VASH2: variants seen among roughly 807,000 people sequenced by gnomAD.
VASH2 encodes vasohibin 2, also known as tubulinyl-Tyr carboxypeptidase 2.
Under a neutral mutation model 37.2 loss-of-function variants are expected in VASH2, and 28 were observed. The observed-to-expected ratio is 0.75, with a 90% CI of 0.56 to 1.03. The LOEUF (loss-of-function observed/expected upper bound fraction) is 1.03. Ranked by LOEUF, VASH2 falls within the 50% of genes least tolerant of loss-of-function variation. VASH2 has a pLI of 0.00. For synonymous variants in VASH2, 188 were observed against 174.7 expected, an observed-to-expected ratio of 1.08 and a Z score of -0.60; for missense variants, 419 against 459.1, an observed-to-expected ratio of 0.91 and a Z score of 0.80.
At chr1:212,965,630 C>T (rs2102634315) in intron 3 of VASH2, 92 bp from the exon 4 acceptor site, 2 of 1,224,654 alleles carry the variant, frequency 1.6e-6, no homozygotes, top group Non-Finnish European at 2.3e-6. Flanking sequence ...ACATCCTCAT[C>T]TCATTGAGAA....
At chr1:212,972,553 T>C (rs1382474576) in intron 5 of VASH2, 27 bp from the exon 6 acceptor site, 11 of 1,595,446 alleles carry the variant, frequency 6.9e-6, no homozygotes, top group Non-Finnish European at 9.4e-6. Context: ...AGGCCTCCTT[T>C]CTCTTCCTTG....
chr1:212,983,933 CTT>C (rs1667405258), intron 7 of VASH2, among the ~76,000 whole-genome samples: 2 of 152,192 alleles, frequency 1.3e-5, no homozygotes, highest in Non-Finnish European at 2.9e-5. Context: ...AACTGCATGA[CTT>C]TGCTTTGAGC....
chr1:212,965,049 T>TA (rs1409264547), intron 3 of VASH2, among the ~76,000 whole-genome samples: 1 of 152,058 alleles, frequency 6.6e-6, no homozygotes, highest in Non-Finnish European at 1.5e-5. Flanking sequence ...GCCTCCTGAG[T>TA]AGCTGGGATT....
Position 212,951,950 on chromosome 1 carries a change from C to T in VASH2, c.276+132C>T. The T allele has an allele frequency of 5.4e-6, 6 of 1,101,372 alleles. No individual in the cohort carries two copies. The highest frequency in any genetic ancestry group is 5.4e-5 in the Admixed American group (2 of 37,178). The allele number at this position is 1,101,372 out of a possible 1,614,324, so 68.2% of individuals were successfully genotyped here. ...CTGCTACAAACTCCCTTCCTCTCCC[C>T]ATTCCTTCCTGCCAGCCCTTTTCTA... On this transcript the variant is annotated intron_variant, in intron 2 of 7. Coordinates refer to ENST00000517399, the MANE Select transcript of VASH2 (RefSeq NM_001301056.2). This position sits in a 1 kb window ranked among gnomAD's most constrained non-coding sequence, Gnocchi z 4.4.
intron 7 of VASH2, among the ~76,000 whole-genome samples, chr1:212,982,893 A>G (rs1179434650): frequency 6.6e-6 from 1 of 152,240 alleles, no homozygotes; most frequent in Non-Finnish European, 1.5e-5. Context: ...TGATGCATTC[A>G]GCTTAATGAG....
intron 3 of VASH2, among the ~76,000 whole-genome samples, chr1:212,962,629 T>A (rs1347307556): frequency 1.3e-5 from 2 of 152,230 alleles, no homozygotes; most frequent in South Asian, 4.1e-4. Flanking sequence ...AAAACACCAA[T>A]TTCTGCTCAT....
intron 7 of VASH2, among the ~76,000 whole-genome samples, chr1:212,985,223 T>A (rs1222525240): frequency 2.1e-4 from 24 of 115,854 alleles, no homozygotes; most frequent in Non-Finnish European, 4.0e-4. Flanking sequence ...TTTTTTTTTG[T>A]AGAGATGGGG....
At position 212,989,703 on chromosome 1, in the gene VASH2, GA is replaced by G. The variant is rs1458299279; in HGVS notation, c.*1123del. On this transcript the variant is annotated 3_prime_UTR_variant, in exon 8 of 8. Transcript: ENST00000517399. ...CATGACATTTTAGGAATGAGTATTG[GA>G]AAATATAAAGAATTAGAAAAGCAGC... 6.6e-6 allele frequency: 1 copy of G among 152,082 alleles called. No homozygotes were observed. Among genetic ancestry groups the G allele is most frequent in the Non-Finnish European group, 1.5e-5 (1 of 68,014 alleles). The allele number at this position is 152,082 out of a possible 1,614,324, so 9.4% of individuals were successfully genotyped here.
At chr1:212,965,831 G>T (rs887475537) in intron 4 of VASH2, 53 bp downstream of exon 4, 26 of 1,492,174 alleles carry the variant, frequency 1.7e-5, no homozygotes, top group Non-Finnish European at 2.3e-5. Flanking sequence ...CATTCGAGCT[G>T]CCAGCTTCCT....
In VASH2 at chr1:212,950,973, GC is replaced by G. The variant is rs1228553492; in HGVS notation, c.-205+234del. 6.6e-6 allele frequency among the ~76,000 whole-genome samples: 1 copy of G among 152,218 alleles called. No homozygotes were observed. Among genetic ancestry groups the G allele is most frequent in the African/African-American group, 2.4e-5 (1 of 41,464 alleles). The stretch of plus-strand genomic sequence containing the variant: ...GCGCTCACATGCCAGCACGTTCGTG[GC>G]TCCCCTCCTCTCTTGGCCACATCTG... On this transcript the variant is annotated intron_variant, in intron 1 of 7. Coordinates refer to ENST00000517399, the MANE Select transcript of VASH2 (RefSeq NM_001301056.2). This position sits in a 1 kb window ranked among gnomAD's most constrained non-coding sequence, Gnocchi z 5.5.
intron 2 of VASH2, among the ~76,000 whole-genome samples, chr1:212,957,198 A>G (rs575812793): frequency 1.3e-5 from 2 of 152,382 alleles, no homozygotes; most frequent in Admixed American, 6.5e-5. Context: ...GCATGTGTCA[A>G]AACGTCTTTC....
intron 5 of VASH2, chr1:212,967,132 G>C (rs201256499): frequency 3.5e-4 from 455 of 1,304,414 alleles, no homozygotes; most frequent in Non-Finnish European, 4.4e-4. Flanking sequence ...GCTAAAACAA[G>C]GGTCTAGCTT....
intron 3 of VASH2, 195 bp downstream of exon 3, chr1:212,961,449 C>T: frequency 8.0e-7 from 1 of 1,250,640 alleles, no homozygotes; most frequent in Non-Finnish European, 1.1e-6. Context: ...CCCAGTAGGG[C>T]AGGCTGGTTC....
chr1:212,986,192 T>C (rs78615233), intron 7 of VASH2, among the ~76,000 whole-genome samples: 5,652 of 152,346 alleles, frequency 0.037, 149 homozygotes, highest in Admixed American at 0.056. Context: ...ATTTAATCTT[T>C]TTCTAAAGCA....
intron 3 of VASH2, among the ~76,000 whole-genome samples, chr1:212,962,690 A>T (rs575033006): frequency 5.6e-4 from 85 of 152,222 alleles, no homozygotes; most frequent in Non-Finnish European, 1.0e-3. Context: ...TTCACGGATC[A>T]TCAACTCCCC....
chr1:212,964,359 C>T (rs1269249905), intron 3 of VASH2, among the ~76,000 whole-genome samples: 1 of 152,208 alleles, frequency 6.6e-6, no homozygotes, highest in East Asian at 1.9e-4. Context: ...ATTGACTCTC[C>T]CATCCCCACC....
chr1:212,966,474 C>A, intron 5 of VASH2, 129 bp downstream of exon 5: 1 of 769,554 alleles, frequency 1.3e-6, no homozygotes, highest in Non-Finnish European at 2.2e-6. Flanking sequence ...AAGTGTCAAA[C>A]TCCTCTGGTT....
At chr1:212,981,857 C>T (rs1398023968) in intron 7 of VASH2, among the ~76,000 whole-genome samples, 1 of 152,230 alleles carries the variant, frequency 6.6e-6, no homozygotes, top group Non-Finnish European at 1.5e-5. Context: ...CATGTTCAGC[C>T]TTGGGATGTG....
Position 212,972,800 on chromosome 1 carries a change from C to T in VASH2, c.718C>T (p.Leu240=), listed in dbSNP as rs147614553. The T allele has an allele frequency of 1.5e-4, 242 of 1,614,182 alleles. 2 individuals are homozygous for T. The African/African-American group carries it at 2.9e-3, about 19-fold the overall frequency. ...CTTTGAGGACTCTTACAAGAAATAC[C>T]TGCACACAGTCAAGAAGGTCAAGAT... is the stretch of plus-strand genomic sequence containing the variant. ...FDFEDSYKKY[L]HTVKKVKIGL... The change falls in exon 6 of 8, where the codon CTG becomes TTG. Residue 240 remains leucine (L), a synonymous_variant. Transcript: ENST00000517399.
Sources: allele counts gnomAD v4.1 joint callset (sites outside exome capture counted in the v4.1 genomes callset), GRCh38; gene constraint gnomAD v4.1.1; non-coding constraint Gnocchi (gnomAD v3.1); transcripts MANE v1.5; gene names NCBI Gene and HGNC (gene_info 2026-07-23, HGNC 2026-07-21).